GIPC2: variants seen among roughly 807,000 people sequenced by gnomAD.
GIPC2 encodes GIPC PDZ domain containing family member 2, also known as PDZ domain-containing protein GIPC2.
Under a neutral mutation model 30.6 loss-of-function variants are expected in GIPC2, and 30 were observed. That is an observed-to-expected ratio of 0.98 (90% CI 0.73 to 1.33). The LOEUF (loss-of-function observed/expected upper bound fraction) is 1.33, where lower values mean the gene tolerates loss of function less well. Ranked by LOEUF, GIPC2 falls within the 40% of genes most tolerant of loss-of-function variation. GIPC2 has a pLI of 0.00. For missense variants in GIPC2, 414 were observed against 390.3 expected (o/e 1.06, Z -0.51); for synonymous variants, 167 against 150.0 (o/e 1.11, Z -0.83).
At chr1:78,121,612 G>T (rs1039090928) in intron 4 of GIPC2, among the ~76,000 whole-genome samples, 10 of 152,168 alleles carry the variant, frequency 6.6e-5, no homozygotes, top group Admixed American at 6.5e-4. Context: ...AGTCAAATGC[G>T]TGGGTTCTGG....
At chr1:78,051,996 C>A (rs1174350473) in intron 1 of GIPC2, among the ~76,000 whole-genome samples, 2 of 152,104 alleles carry the variant, frequency 1.3e-5, no homozygotes, top group Non-Finnish European at 2.9e-5. Flanking sequence ...TCATGGCTTC[C>A]CCTCTCACTT....
intron 2 of GIPC2, among the ~76,000 whole-genome samples, chr1:78,089,280 T>C (rs975980699): frequency 6.6e-6 from 1 of 152,164 alleles, no homozygotes; most frequent in African/African-American, 2.4e-5. Flanking sequence ...CTGTGTAACA[T>C]TGGCCAAGGC....
intron 5 of GIPC2, among the ~76,000 whole-genome samples, chr1:78,135,088 C>T (rs191338368): frequency 6.6e-6 from 1 of 152,300 alleles, no homozygotes; most frequent in East Asian, 1.9e-4. Flanking sequence ...CTCTGCTTCT[C>T]CCCAGCTTGA....
chr1:78,091,152 T>C (rs1662029607), intron 2 of GIPC2, among the ~76,000 whole-genome samples: 1 of 152,244 alleles, frequency 6.6e-6, no homozygotes, highest in Admixed American at 6.5e-5. Context: ...AGCTGTGTTA[T>C]CTTGGGCAAG....
chr1:78,100,979 C>T lies in GIPC2; in HGVS notation c.607+5847C>T, dbSNP rs554969597. On this transcript the variant is annotated intron_variant, in intron 3 of 5. Coordinates refer to ENST00000370759, the MANE Select transcript of GIPC2 (RefSeq NM_017655.6). ...ACACACACACACACACACACACACACACATACACACGAGGTAGATGAGCAT... is the reference window on the plus strand; with the variant it reads ...ACACACACACACACACACACACACATACATACACACGAGGTAGATGAGCAT... 1.8e-3 allele frequency among the ~76,000 whole-genome samples: 261 copies of T among 143,386 alleles called. 5 individuals are homozygous for T. Among genetic ancestry groups the T allele is most frequent in the African/African-American group, 6.2e-3 (235 of 38,178 alleles). 94.1% of individuals were successfully genotyped at this position (143,386 alleles called of 152,430 possible). A position where few individuals can be genotyped will look rare whatever the true frequency, so the allele number is the denominator to read the frequency against.
At chr1:78,112,758 C>T (rs552005122) in intron 3 of GIPC2, among the ~76,000 whole-genome samples, 2 of 152,310 alleles carry the variant, frequency 1.3e-5, no homozygotes, top group African/African-American at 4.8e-5. Flanking sequence ...CTGCCTTTTC[C>T]ATTTCCCTTT....
chr1:78,112,982 A>G (rs953604863), intron 3 of GIPC2, among the ~76,000 whole-genome samples: 1 of 152,214 alleles, frequency 6.6e-6, no homozygotes, highest in Admixed American at 6.5e-5. Context: ...ATATGCATGT[A>G]AGAAACCGGC....
intron 1 of GIPC2, among the ~76,000 whole-genome samples, chr1:78,060,483 T>A (rs1661372147): frequency 6.6e-6 from 1 of 152,172 alleles, no homozygotes; most frequent in Non-Finnish European, 1.5e-5. Context: ...CAGTGTTAAC[T>A]GCAACCTACC....
At position 78,046,295 on chromosome 1, in the gene GIPC2, C is replaced by G; in HGVS notation, c.201C>G (p.Tyr67Ter). The change falls in exon 1 of 6, where the codon TAC becomes TAG. Residue 67 changes from tyrosine to a stop codon, truncating the protein, a stop_gained. Transcript: ENST00000370759. LOFTEE classifies it high-confidence loss of function. The part of the protein sequence containing the change: ...VEGFSSIQEL[Y>*]AQIAGAFEIS... ...GCTTCTCCAGCATCCAGGAGCTCTA[C>G]GCCCAGATCGCGGGCGCGTTTGAAA... 2.5e-6 allele frequency: 4 copies of G among 1,611,798 alleles called. No individual in the cohort carries two copies. In the South Asian group the frequency reaches 4.4e-5, roughly 18 times the overall value.
intron 1 of GIPC2, among the ~76,000 whole-genome samples, chr1:78,061,532 C>A (rs1012412112): frequency 4.6e-5 from 7 of 151,626 alleles, no homozygotes; most frequent in African/African-American, 1.7e-4. Flanking sequence ...ATGGAGTTTC[C>A]TTCTGTCGCC....
chr1:78,115,774 G>A (rs1662556455), intron 3 of GIPC2, among the ~76,000 whole-genome samples: 1 of 152,188 alleles, frequency 6.6e-6, no homozygotes, highest in Non-Finnish European at 1.5e-5. Flanking sequence ...TTTTGGTTAG[G>A]CGGGGCTAGT....
chr1:78,105,972 A>G (rs1041862828), intron 3 of GIPC2, among the ~76,000 whole-genome samples: 13 of 152,096 alleles, frequency 8.5e-5, no homozygotes, highest in African/African-American at 1.7e-4. Flanking sequence ...GCGGTGGCTC[A>G]TGCTTGTAAT....
At chr1:78,100,348 C>T (rs1258654194) in intron 3 of GIPC2, among the ~76,000 whole-genome samples, 2 of 152,130 alleles carry the variant, frequency 1.3e-5, no homozygotes, top group East Asian at 3.9e-4. Context: ...TAAGTCAGGG[C>T]TCTTTATTTT....
intron 5 of GIPC2, 72 bp downstream of exon 5, chr1:78,126,034 C>T (rs1050395229): frequency 2.9e-6 from 2 of 694,308 alleles, no homozygotes; most frequent in Non-Finnish European, 5.2e-6. Flanking sequence ...TTTATACATA[C>T]AGCCAATTAT....
intron 3 of GIPC2, among the ~76,000 whole-genome samples, chr1:78,112,647 G>A (rs1662492835): frequency 6.6e-6 from 1 of 152,170 alleles, no homozygotes; most frequent in Admixed American, 6.5e-5. Flanking sequence ...GATCTAAGCC[G>A]TGTTGCATGT....
chr1:78,060,299 C>T (rs893263732), intron 1 of GIPC2, among the ~76,000 whole-genome samples: 1 of 152,000 alleles, frequency 6.6e-6, no homozygotes, highest in African/African-American at 2.4e-5. Context: ...TGTGCACCAC[C>T]ATGTGTGGCT....
chr1:78,135,757 T>C lies in GIPC2; in HGVS notation c.*14T>C, dbSNP rs754595073. 6.3e-7 allele frequency: 1 copy of C among 1,595,244 alleles called. No homozygotes were observed. The highest frequency in any genetic ancestry group is 2.3e-5 in the East Asian group (1 of 44,318). On this transcript the variant is annotated 3_prime_UTR_variant, in exon 6 of 6. Coordinates refer to ENST00000370759, the MANE Select transcript of GIPC2 (RefSeq NM_017655.6). ...AGAGGATTATGATGTGTACACTCCA[T>C]CTCTGAAGAAACAACCCATCGTTCT... is the stretch of plus-strand genomic sequence containing the variant.
intron 1 of GIPC2, among the ~76,000 whole-genome samples, chr1:78,058,654 G>A (rs1661338585): frequency 6.6e-6 from 1 of 152,060 alleles, no homozygotes; most frequent in Non-Finnish European, 1.5e-5. Flanking sequence ...AATAACTTTG[G>A]GAACTGTATT....
intron 4 of GIPC2, among the ~76,000 whole-genome samples, chr1:78,122,528 A>G (rs896089700): frequency 1.3e-5 from 2 of 152,206 alleles, no homozygotes; most frequent in Non-Finnish European, 2.9e-5. Context: ...CACGTCTTAC[A>G]TGGTGGCAGG....
Sources: allele counts gnomAD v4.1 joint callset (sites outside exome capture counted in the v4.1 genomes callset), GRCh38; gene constraint gnomAD v4.1.1; transcripts MANE v1.5; gene names NCBI Gene and HGNC (gene_info 2026-07-23, HGNC 2026-07-21).